The following TTYH2 variants were observed in gnomAD, a reference collection of about 807,000 sequenced individuals.
TTYH2 encodes protein tweety homolog 2.
A neutral mutation model predicts 68.3 loss-of-function variants in TTYH2; 49 were observed. The observed-to-expected ratio is 0.72, with a 90% CI of 0.57 to 0.91. The LOEUF (loss-of-function observed/expected upper bound fraction) is 0.91. Ranked by LOEUF, TTYH2 falls within the 40% of genes least tolerant of loss-of-function variation. TTYH2 has a pLI of 0.00. For synonymous variants in TTYH2, 272 were observed against 300.8 expected (o/e 0.90, Z 0.99); for missense variants, 631 against 700.4 (o/e 0.90, Z 1.12).
Position 74,217,969 on chromosome 17 carries a change from G to C in TTYH2, c.129+4253G>C, listed in dbSNP as rs1259286536. ...AGGTGGCTGCAGGGCACAGTGGGAG[G>C]CGTGGGGAGGCGTGGGAAATTGTCT... On this transcript the variant is annotated intron_variant, in intron 1 of 13. Transcript: ENST00000269346. This position sits in a 1 kb window ranked among gnomAD's most constrained non-coding sequence, Gnocchi z 4.0. 6.6e-6 allele frequency among the ~76,000 whole-genome samples: 1 copy of C among 151,828 alleles called. No individual in the cohort carries two copies. Among genetic ancestry groups the C allele is most frequent in the Non-Finnish European group, 1.5e-5 (1 of 68,002 alleles).
At chr17:74,243,040 G>A (rs1310780007) in intron 4 of TTYH2, among the ~76,000 whole-genome samples, 1 of 152,192 alleles carries the variant, frequency 6.6e-6, no homozygotes, top group Non-Finnish European at 1.5e-5. Flanking sequence ...CAAGTTCTCG[G>A]TAGCCACCTG....
At position 74,214,983 on chromosome 17, in the gene TTYH2, AC is replaced by A. The variant is rs1434108985; in HGVS notation, c.129+1271del. Among the ~76,000 whole-genome samples the A allele has an allele frequency of 2.0e-5, 3 of 151,784 alleles. No homozygotes were observed. Among genetic ancestry groups the A allele is most frequent in the Non-Finnish European group, 4.4e-5 (3 of 67,942 alleles). ...CTACCAGAGGGAGGGGAGCATCAGG[AC>A]CCCTTCCTGGGGTTCAGTGGGCACT... On this transcript the variant is annotated intron_variant, in intron 1 of 13. Transcript: ENST00000269346. The surrounding 1 kb of genome is among the most constrained non-coding windows in gnomAD (Gnocchi z 4.6).
chr17:74,219,674 C>G (rs975627611), intron 1 of TTYH2, among the ~76,000 whole-genome samples: 8 of 152,208 alleles, frequency 5.3e-5, no homozygotes, highest in African/African-American at 1.7e-4. Context: ...CAGTTCTCTG[C>G]TGTTCCATGT....
Position 74,252,384 on chromosome 17 carries a change from G to C in TTYH2, c.1259+8G>C. The C allele has an allele frequency of 1.2e-6, 2 of 1,612,638 alleles. No homozygotes were observed. Among genetic ancestry groups the C allele is most frequent in the Non-Finnish European group, 1.7e-6 (2 of 1,179,780 alleles). ...GAAGCACTTCACCACCAGGTGGGCT[G>C]CCTAGTAAGGAGGGGAGCCTCCCAC... On this transcript the variant is annotated splice_region_variant and intron_variant, in intron 11 of 13. Coordinates refer to ENST00000269346, the MANE Select transcript of TTYH2 (RefSeq NM_032646.6).
intron 6 of TTYH2, among the ~76,000 whole-genome samples, chr17:74,246,169 G>A (rs1388145958): frequency 6.6e-6 from 1 of 152,140 alleles, no homozygotes; most frequent in Non-Finnish European, 1.5e-5. Flanking sequence ...AAGTGCTTTG[G>A]CCACCGAGCC....
At chr17:74,244,172 C>G in intron 6 of TTYH2, 123 bp downstream of exon 6, 1 of 946,660 alleles carries the variant, frequency 1.1e-6, no homozygotes, top group Non-Finnish European at 1.6e-6. Flanking sequence ...ATCTCAGAAC[C>G]AAAGGGACTT....
chr17:74,253,892 C>T (rs1487036733), intron 13 of TTYH2, 59 bp downstream of exon 13: 1 of 1,534,026 alleles, frequency 6.5e-7, no homozygotes, highest in Non-Finnish European at 9.0e-7. Flanking sequence ...AACCTCCTGC[C>T]AACCCAGTGA....
intron 6 of TTYH2, among the ~76,000 whole-genome samples, chr17:74,247,380 A>C (rs1409778728): frequency 6.6e-6 from 1 of 152,138 alleles, no homozygotes; most frequent in Non-Finnish European, 1.5e-5. Context: ...ATGCACACGC[A>C]CACAGGTGCT....
intron 4 of TTYH2, among the ~76,000 whole-genome samples, chr17:74,238,596 G>T (rs2050468155): frequency 6.6e-6 from 1 of 152,050 alleles, no homozygotes; most frequent in Non-Finnish European, 1.5e-5. Context: ...GCTGGGACTG[G>T]TGGCTCACAC....
rs2050610595 is a variant in TTYH2 at position 74,250,443 on chromosome 17, G to A, written c.1116+86G>A. The A allele has an allele frequency of 2.6e-6, 3 of 1,136,736 alleles. No homozygotes were observed. In the South Asian group the frequency reaches 4.3e-5, roughly 16 times the overall value. 70.4% of individuals were successfully genotyped at this position (1,136,736 alleles called of 1,614,324 possible). A position where few individuals can be genotyped will look rare whatever the true frequency, so the allele number is the denominator to read the frequency against. On this transcript the variant is annotated intron_variant, in intron 10 of 13. Coordinates refer to ENST00000269346, the MANE Select transcript of TTYH2 (RefSeq NM_032646.6). ...CAGAGAAAAGCCGGTAGAGGCCGAGGGGAGCGATGGCCTGGGTCCCCTTCC... is the reference window on the plus strand; with the variant it reads ...CAGAGAAAAGCCGGTAGAGGCCGAGAGGAGCGATGGCCTGGGTCCCCTTCC...
chr17:74,218,748 CCTT>C (rs570231914), intron 1 of TTYH2, among the ~76,000 whole-genome samples: 301 of 152,224 alleles, frequency 2.0e-3, no homozygotes, highest in African/African-American at 6.9e-3. Flanking sequence ...ACAGCCTGAT[CCTT>C]CTCGGACGAG....
chr17:74,258,413 C>A (rs911973337), intron 13 of TTYH2, among the ~76,000 whole-genome samples: 1 of 151,932 alleles, frequency 6.6e-6, no homozygotes, highest in African/African-American at 2.4e-5. Context: ...TTACAGGCCC[C>A]CACCACCACG....
At position 74,252,311 on chromosome 17, in the gene TTYH2, G is replaced by T. The variant is rs748469381; in HGVS notation, c.1194G>T (p.Leu398=). Residue 398 remains leucine (L), a synonymous_variant, in exon 11 of 14, where the codon CTG becomes CTT. Transcript: ENST00000269346. ...GLLYLGLFSF[L]AALAFSTMIC... ...TGTACCTTGGCCTCTTCTCCTTCCT[G>T]GCCGCCCTCGCCTTCTCCACCATGA... 1.4e-5 allele frequency: 23 copies of T among 1,613,760 alleles called. No homozygotes were observed. Among genetic ancestry groups the T allele is most frequent in the Non-Finnish European group, 1.9e-5 (22 of 1,180,040 alleles).
At position 74,239,267 on chromosome 17, in the gene TTYH2, C is replaced by A. The variant is rs1390154214; in HGVS notation, c.635+1753C>A. ...ACAGGAAGGAGGCAGCAGCCCCAGCCTTTGGAGGGCTCCCGGCTGAATGAT... is the reference window on the plus strand; with the variant it reads ...ACAGGAAGGAGGCAGCAGCCCCAGCATTTGGAGGGCTCCCGGCTGAATGAT... On this transcript the variant is annotated intron_variant, in intron 4 of 13. Transcript: ENST00000269346. This position sits in a 1 kb window ranked among gnomAD's most constrained non-coding sequence, Gnocchi z 5.3. Among the ~76,000 whole-genome samples the A allele has an allele frequency of 6.6e-6, 1 of 152,224 alleles. No individual in the cohort carries two copies. Among genetic ancestry groups the A allele is most frequent in the Non-Finnish European group, 1.5e-5 (1 of 68,038 alleles).
intron 3 of TTYH2, among the ~76,000 whole-genome samples, chr17:74,233,464 T>C (rs1243338121): frequency 1.3e-5 from 2 of 152,212 alleles, no homozygotes; most frequent in East Asian, 3.8e-4. Flanking sequence ...TATTAATTAC[T>C]GTAATCACCT....
Position 74,253,225 on chromosome 17 carries a change from C to T in TTYH2, c.1404C>T (p.Pro468=). 1 of 1,612,028 alleles carries T rather than the reference C, an allele frequency of 6.2e-7. No homozygotes were observed. The highest frequency in any genetic ancestry group is 8.5e-7 in the Non-Finnish European group (1 of 1,179,320). Residue 468 remains proline, a synonymous_variant, in exon 12 of 14, where the codon CCC becomes CCT. Transcript: ENST00000269346. ...TGGGAAGTCAGACCAGCCTGCAGCC[C>T]CCGGCCCAGACCATCTCCAACGCCC... The part of the protein sequence containing the change: ...SGLGSQTSLQ[P]PAQTISNAPV...
intron 3 of TTYH2, among the ~76,000 whole-genome samples, 182 bp from the exon 4 acceptor site, chr17:74,237,112 C>T (rs921658032): frequency 5.3e-5 from 8 of 152,042 alleles, no homozygotes; most frequent in Non-Finnish European, 1.2e-4. Context: ...GTTGCCCAGG[C>T]TGGTCTCAAA....
In TTYH2 at chr17:74,243,446, G is replaced by A; in HGVS notation, c.708G>A (p.Lys236=). 6.2e-7 allele frequency: 1 copy of A among 1,614,184 alleles called. No homozygotes were observed. Among genetic ancestry groups the A allele is most frequent in the Non-Finnish European group, 8.5e-7 (1 of 1,180,030 alleles). ...ICLIACLGLA[K]RSKCLLASML... ...TCATTGCCTGCCTGGGACTGGCCAA[G>A]CGCTCCAAGTGTCTCCTGGCCTCGT... The change falls in exon 5 of 14, where the codon AAG becomes AAA. Residue 236 remains lysine, a synonymous_variant. Transcript: ENST00000269346.
chr17:74,228,715 C>A (rs958889543), intron 2 of TTYH2, among the ~76,000 whole-genome samples: 5 of 152,038 alleles, frequency 3.3e-5, no homozygotes, highest in Admixed American at 1.3e-4. Context: ...CGGGGGGAAC[C>A]AGGGCGGGTG....
Sources: allele counts gnomAD v4.1 joint callset (sites outside exome capture counted in the v4.1 genomes callset), GRCh38; gene constraint gnomAD v4.1.1; non-coding constraint Gnocchi (gnomAD v3.1); transcripts MANE v1.5; gene names NCBI Gene and HGNC (gene_info 2026-07-23, HGNC 2026-07-21).